GDAP1: variants seen among roughly 807,000 people sequenced by gnomAD.
GDAP1 encodes ganglioside-induced differentiation-associated protein 1.
In GDAP1, 34 loss-of-function variants were observed where a neutral mutation model predicts 40.1. That is an observed-to-expected ratio of 0.85 (90% confidence interval 0.64 to 1.13). GDAP1 has a LOEUF of 1.13. Ranked by LOEUF, GDAP1 falls within the 50% of genes most tolerant of loss-of-function variation. The probability of loss-of-function intolerance (pLI) is 0.00; values close to 1 mark genes in which losing one functional copy is unlikely to be tolerated. For synonymous variants in GDAP1, 170 were observed against 157.4 expected (o/e 1.08, Z -0.60); for missense variants, 374 against 433.7 (o/e 0.86, Z 1.22).
intron 2 of GDAP1, among the ~76,000 whole-genome samples, chr8:74,354,067 A>G (rs775425409): frequency 6.6e-6 from 1 of 152,210 alleles, no homozygotes; most frequent in Non-Finnish European, 1.5e-5. Flanking sequence ...TAAAGGAGCA[A>G]ATATAGCTAG....
At chr8:74,412,937 C>T (rs556377516) in intron 2 of GDAP1, among the ~76,000 whole-genome samples, 5 of 147,892 alleles carry the variant, frequency 3.4e-5, no homozygotes, top group Admixed American at 6.6e-5. Flanking sequence ...CGTGGTGGCA[C>T]GTGCCTGTAG....
intron 2 of GDAP1, among the ~76,000 whole-genome samples, chr8:74,447,748 T>A (rs1251043514): frequency 1.3e-5 from 2 of 152,300 alleles, no homozygotes; most frequent in African/African-American, 4.8e-5. Flanking sequence ...CACTGGTAGC[T>A]GAGTTAGTGA....
At chr8:74,379,859 A>G (rs1256420642) in intron 2 of GDAP1, among the ~76,000 whole-genome samples, 3 of 152,196 alleles carry the variant, frequency 2.0e-5, no homozygotes, top group South Asian at 4.1e-4. Flanking sequence ...ACCTGCCTCA[A>G]TAGTAAAGAT....
chr8:74,459,009 AC>A (rs759936500), intron 2 of GDAP1, among the ~76,000 whole-genome samples: 5 of 152,034 alleles, frequency 3.3e-5, no homozygotes, highest in Non-Finnish European at 7.4e-5. Context: ...GTTTTAACTC[AC>A]CCTGTTTCTG....
At position 74,462,132 on chromosome 8, in the gene GDAP1, A is replaced by G. The variant is rs977758886; in HGVS notation, c.166-26546A>G. Among the ~76,000 whole-genome samples the G allele has an allele frequency of 2.0e-5, 3 of 152,350 alleles. 1 individual carries two copies. Among genetic ancestry groups the G allele is most frequent in the South Asian group, 4.1e-4 (2 of 4,828 alleles). ...AACTTTATTATTTTAACACATAAAG[A>G]TTTAAAAGAGTTAAGAATATGGCTA... On this transcript the variant is annotated intron_variant, in intron 2 of 2. Transcript: ENST00000523640.
At chr8:74,484,168 A>T (rs1245883865) in intron 2 of GDAP1, among the ~76,000 whole-genome samples, 3 of 152,216 alleles carry the variant, frequency 2.0e-5, no homozygotes, top group Non-Finnish European at 4.4e-5. Context: ...AAACTAGAAG[A>T]TTCTAAAAAG....
intron 2 of GDAP1, among the ~76,000 whole-genome samples, chr8:74,401,324 C>T (rs899083666): frequency 5.3e-5 from 8 of 149,668 alleles, no homozygotes; most frequent in South Asian, 4.1e-4. Context: ...CACTGATACC[C>T]GTTCTTCCAG....
downstream of GDAP1, among the ~76,000 whole-genome samples, chr8:74,371,232 G>A (rs1809742819): frequency 6.6e-6 from 1 of 152,202 alleles, no homozygotes; most frequent in East Asian, 1.9e-4. Flanking sequence ...AGATTTTTAT[G>A]TTGCAGAGTA....
intron 2 of GDAP1, among the ~76,000 whole-genome samples, chr8:74,422,301 CTTT>C (rs1805872933): frequency 2.9e-5 from 1 of 34,074 alleles, no homozygotes; most frequent in African/African-American, 1.8e-4. Context: ...TTCTTTCTTT[CTTT>C]CTTTCTTTCT....
intron 2 of GDAP1, among the ~76,000 whole-genome samples, chr8:74,436,543 C>T (rs1312545043): frequency 6.6e-6 from 1 of 151,596 alleles, no homozygotes; most frequent in Non-Finnish European, 1.5e-5. Flanking sequence ...CTGCCTCAGC[C>T]TCCCGAGTAG....
chr8:74,421,200 T>A (rs1805853842), intron 2 of GDAP1, among the ~76,000 whole-genome samples: 1 of 152,188 alleles, frequency 6.6e-6, no homozygotes, highest in Non-Finnish European at 1.5e-5. Context: ...AAGGAGGCAG[T>A]AATAAACCTT....
chr8:74,446,469 C>T (rs2131574853), intron 2 of GDAP1, among the ~76,000 whole-genome samples: 1 of 152,138 alleles, frequency 6.6e-6, no homozygotes, highest in East Asian at 1.9e-4. Context: ...ATGAAGCACC[C>T]CTTGAGAGAA....
intron 3 of GDAP1, among the ~76,000 whole-genome samples, 155 bp downstream of exon 3, chr8:74,360,465 C>G (rs377269236): frequency 3.3e-5 from 5 of 152,304 alleles, no homozygotes; most frequent in African/African-American, 1.2e-4. Flanking sequence ...ATCCATGAAC[C>G]AGTCGGATTA....
chr8:74,434,962 T>C (rs1361916867), intron 2 of GDAP1, among the ~76,000 whole-genome samples: 1 of 152,218 alleles, frequency 6.6e-6, no homozygotes, highest in African/African-American at 2.4e-5. Flanking sequence ...CTTTTTTGTC[T>C]GTTTTTACAT....
intron 2 of GDAP1, among the ~76,000 whole-genome samples, chr8:74,429,003 T>C (rs1431303155): frequency 6.6e-6 from 1 of 151,794 alleles, no homozygotes; most frequent in Non-Finnish European, 1.5e-5. Context: ...CTGAGAATGA[T>C]GGTTTCCAGC....
intron 2 of GDAP1, among the ~76,000 whole-genome samples, chr8:74,465,944 A>C (rs1349636499): frequency 3.3e-5 from 5 of 152,172 alleles, no homozygotes; most frequent in Non-Finnish European, 7.3e-5. Flanking sequence ...AAAACACATA[A>C]ATTGAAGAAC....
chr8:74,460,023 G>A (rs1806381620), intron 2 of GDAP1, among the ~76,000 whole-genome samples: 1 of 152,254 alleles, frequency 6.6e-6, no homozygotes, highest in South Asian at 2.1e-4. Context: ...CAATCTGTGG[G>A]CAGCATTGAG....
intron 2 of GDAP1, among the ~76,000 whole-genome samples, chr8:74,400,362 A>G (rs1337517240): frequency 1.1e-4 from 17 of 149,726 alleles, no homozygotes; most frequent in African/African-American, 3.3e-4. Context: ...ATCTGAGACT[A>G]GGATTGCAAC....
At position 74,385,150 on chromosome 8, in the gene GDAP1, G is replaced by T. The variant is rs1213594540; in HGVS notation, c.165+33829G>T. ...CCAAACCCAAGTCGCTTATTTTATG[G>T]ATAAAGAGATAGGTGGTATATAGAT... On this transcript the variant is annotated intron_variant, in intron 2 of 2. Coordinates refer to the GDAP1 transcript ENST00000523640. Among the ~76,000 whole-genome samples, 4 of 152,152 alleles carry T rather than the reference G, an allele frequency of 2.6e-5. No homozygotes were observed. In the South Asian group the frequency reaches 8.3e-4, roughly 32 times the overall value.
Sources: gnomAD v4.1 joint callset for allele counts (sites outside exome capture counted in the v4.1 genomes callset) on GRCh38, gnomAD v4.1.1 for gene constraint, MANE v1.5 for transcripts, NCBI Gene and HGNC (gene_info 2026-07-23, HGNC 2026-07-21) for gene names.